Variants in PAK1 observed in about 807,000 individuals in gnomAD.
The protein encoded by PAK1 is serine/threonine-protein kinase PAK 1.
Under a neutral mutation model 67.4 loss-of-function variants are expected in PAK1, and 29 were observed. The observed-to-expected ratio is 0.43, with a 90% CI of 0.32 to 0.59. The LOEUF (loss-of-function observed/expected upper bound fraction) is 0.59, where lower values mean the gene tolerates loss of function less well. PAK1 is among the 20% of genes least tolerant of loss of function. PAK1 has a pLI of 0.07. For synonymous variants in PAK1, 223 were observed against 237.4 expected, an observed-to-expected ratio of 0.94 and a Z score of 0.56; for missense variants, 337 against 670.7, an observed-to-expected ratio of 0.50 and a Z score of 5.50.
intron 1 of PAK1, among the ~76,000 whole-genome samples, chr11:77,453,514 A>AT (rs1026446328): frequency 5.9e-5 from 8 of 135,578 alleles, no homozygotes; most frequent in African/African-American, 2.2e-4. Flanking sequence ...TGTGAGATAT[A>AT]TTAAAAAAAA....
the PAK1 span, among the ~76,000 whole-genome samples, chr11:77,498,367 G>A: frequency 6.6e-6 from 1 of 152,102 alleles, no homozygotes; most frequent in Admixed American, 6.6e-5. Flanking sequence ...CTGATATCAT[G>A]ACCCACTCAT....
the PAK1 span, among the ~76,000 whole-genome samples, chr11:77,486,936 G>C: frequency 1.3e-5 from 2 of 152,198 alleles, no homozygotes; most frequent in Non-Finnish European, 2.9e-5. Flanking sequence ...AGTGGACTTA[G>C]GGGTTATGTG....
chr11:77,425,859 C>T (rs1278182035), intron 1 of PAK1, among the ~76,000 whole-genome samples: 2 of 152,180 alleles, frequency 1.3e-5, no homozygotes, highest in Non-Finnish European at 2.9e-5. Flanking sequence ...ATCCTAGCTA[C>T]TTGGGAGGCT....
At chr11:77,496,207 CG>C in the PAK1 span, among the ~76,000 whole-genome samples, 8 of 151,538 alleles carry the variant, frequency 5.3e-5, no homozygotes, top group African/African-American at 1.9e-4. Context: ...TTAGTAGAGA[CG>C]GGGTTTCACT....
chr11:77,385,893 G>A (rs1487427638), intron 2 of PAK1, among the ~76,000 whole-genome samples: 4 of 151,942 alleles, frequency 2.6e-5, no homozygotes, highest in African/African-American at 9.7e-5. Flanking sequence ...GGAAATATAT[G>A]TGCTTTGTAA....
chr11:77,513,126 C>T, the PAK1 span, among the ~76,000 whole-genome samples: 2 of 152,098 alleles, frequency 1.3e-5, no homozygotes, highest in African/African-American at 4.8e-5. Flanking sequence ...TCCAGAGGCT[C>T]TTTGACTCTT....
At chr11:77,373,993 C>T (rs1948772115) in intron 5 of PAK1, among the ~76,000 whole-genome samples, 1 of 152,126 alleles carries the variant, frequency 6.6e-6, no homozygotes, top group South Asian at 2.1e-4. Context: ...CTGACTTTCC[C>T]AAGGTTCAAA....
chr11:77,494,880 T>C, the PAK1 span, among the ~76,000 whole-genome samples: 17 of 152,102 alleles, frequency 1.1e-4, no homozygotes, highest in South Asian at 2.9e-3. Context: ...AATTAAAAAT[T>C]AGGCTGGGCG....
chr11:77,486,490 C>T, the PAK1 span, among the ~76,000 whole-genome samples: 1 of 152,294 alleles, frequency 6.6e-6, no homozygotes, highest in Admixed American at 6.5e-5. Context: ...GGTGAGTAAT[C>T]ATAGTACCTG....
At chr11:77,462,206 C>A (rs1241186543) in intron 1 of PAK1, among the ~76,000 whole-genome samples, 1 of 152,046 alleles carries the variant, frequency 6.6e-6, no homozygotes, top group Admixed American at 6.6e-5. Flanking sequence ...TGGCGGGCAC[C>A]TGTAGTCCCA....
intron 2 of PAK1, among the ~76,000 whole-genome samples, chr11:77,388,485 C>T (rs1387372015): frequency 6.6e-6 from 1 of 152,202 alleles, no homozygotes; most frequent in Non-Finnish European, 1.5e-5. Flanking sequence ...TCCCCAGCAG[C>T]TGGGACTACA....
chr11:77,468,952 G>A (rs1363869653), intron 1 of PAK1, among the ~76,000 whole-genome samples: 1 of 152,040 alleles, frequency 6.6e-6, no homozygotes, highest in African/African-American at 2.4e-5. Context: ...GGGCTGTTAC[G>A]AAGATTGAAC....
chr11:77,509,050 CA>C, the PAK1 span, among the ~76,000 whole-genome samples: 1 of 149,234 alleles, frequency 6.7e-6, no homozygotes, highest in Non-Finnish European at 1.5e-5. Flanking sequence ...GCGGGCGGAT[CA>C]CAAGGTCAGG....
chr11:77,331,000 G>A (rs1054844070), intron 14 of PAK1, among the ~76,000 whole-genome samples: 1 of 152,172 alleles, frequency 6.6e-6, no homozygotes, highest in African/African-American at 2.4e-5. Flanking sequence ...CTTCTCAAAA[G>A]AAGACATTTA....
the PAK1 span, among the ~76,000 whole-genome samples, chr11:77,510,748 G>A: frequency 6.6e-6 from 1 of 152,202 alleles, no homozygotes; most frequent in African/African-American, 2.4e-5. Context: ...CTTTGGGAAA[G>A]CCTCTATCTT....
intron 5 of PAK1, among the ~76,000 whole-genome samples, chr11:77,370,243 C>T (rs1429551282): frequency 6.6e-6 from 1 of 152,172 alleles, no homozygotes; most frequent in Non-Finnish European, 1.5e-5. Context: ...TATTTTCCTT[C>T]ACTGCAGAGC....
At chr11:77,488,521 T>G in the PAK1 span, among the ~76,000 whole-genome samples, 2 of 152,170 alleles carry the variant, frequency 1.3e-5, no homozygotes, top group Non-Finnish European at 2.9e-5. Context: ...ATAGCTGTTT[T>G]GAGGAAACTC....
the PAK1 span, among the ~76,000 whole-genome samples, chr11:77,509,820 C>T: frequency 2.6e-5 from 4 of 152,172 alleles, no homozygotes; most frequent in Non-Finnish European, 4.4e-5. Context: ...GTAAAAGCTC[C>T]CTGAGGCCTC....
chr11:77,409,696 C>T (rs1389042472), intron 1 of PAK1, among the ~76,000 whole-genome samples: 1 of 151,582 alleles, frequency 6.6e-6, no homozygotes, highest in Non-Finnish European at 1.5e-5. Flanking sequence ...TACAGGAAGA[C>T]AAATATCACA....
Sources: gnomAD v4.1 joint callset for allele counts (sites outside exome capture counted in the v4.1 genomes callset) on GRCh38, gnomAD v4.1.1 for gene constraint, MANE v1.5 for transcripts, NCBI Gene and HGNC (gene_info 2026-07-23, HGNC 2026-07-21) for gene names.